SGCZ: variants seen among roughly 807,000 people sequenced by gnomAD.
The protein encoded by SGCZ is zeta-sarcoglycan.
Under a neutral mutation model 41.3 loss-of-function variants are expected in SGCZ, and 40 were observed. That is an observed-to-expected ratio of 0.97 (90% CI 0.75 to 1.26). The LOEUF is 1.26. Ranked by LOEUF, SGCZ falls within the 50% of genes most tolerant of loss-of-function variation. SGCZ has a pLI of 0.00. For synonymous variants in SGCZ, 206 were observed against 137.5 expected, an observed-to-expected ratio of 1.50 and a Z score of -3.49; for missense variants, 552 against 369.8, an observed-to-expected ratio of 1.49 and a Z score of -4.04.
At chr8:14,676,064 A>G (rs892261208) in intron 1 of SGCZ, among the ~76,000 whole-genome samples, 1 of 152,218 alleles carries the variant, frequency 6.6e-6, no homozygotes, top group African/African-American at 2.4e-5. Flanking sequence ...TAGCAGAGGA[A>G]TGAAGTGGGA....
intron 1 of SGCZ, among the ~76,000 whole-genome samples, chr8:14,835,307 A>T (rs1384452945): frequency 3.9e-5 from 6 of 152,330 alleles, no homozygotes; most frequent in African/African-American, 1.4e-4. Flanking sequence ...ATTCCAAATA[A>T]ATACTAATAT....
chr8:14,665,348 T>C (rs80280616), intron 1 of SGCZ, among the ~76,000 whole-genome samples: 3 of 152,164 alleles, frequency 2.0e-5, no homozygotes, highest in Non-Finnish European at 4.4e-5. Flanking sequence ...GAACTCATCA[T>C]TTTTTATGGC....
At chr8:14,254,178 G>C (rs1411798223) in intron 3 of SGCZ, among the ~76,000 whole-genome samples, 1 of 152,064 alleles carries the variant, frequency 6.6e-6, no homozygotes, top group Non-Finnish European at 1.5e-5. Flanking sequence ...CTTGTTCCTA[G>C]AGGTGAACCC....
At chr8:14,594,301 C>T (rs1000259131) in intron 1 of SGCZ, among the ~76,000 whole-genome samples, 12 of 152,050 alleles carry the variant, frequency 7.9e-5, no homozygotes, top group African/African-American at 2.9e-4. Context: ...GCATCTTTAT[C>T]AAGTTTGGGG....
intron 1 of SGCZ, among the ~76,000 whole-genome samples, chr8:15,057,820 C>T (rs1048746792): frequency 2.0e-5 from 3 of 152,086 alleles, no homozygotes; most frequent in South Asian, 2.1e-4. Flanking sequence ...AGCCCTAAAA[C>T]GTTATGAATT....
At chr8:14,836,976 AC>A (rs1802721984) in intron 1 of SGCZ, among the ~76,000 whole-genome samples, 1 of 152,058 alleles carries the variant, frequency 6.6e-6, no homozygotes, top group South Asian at 2.1e-4. Flanking sequence ...GACTATATAA[AC>A]CTTTTCATAT....
At chr8:14,519,283 T>A (rs1008433193) in intron 2 of SGCZ, among the ~76,000 whole-genome samples, 4 of 152,084 alleles carry the variant, frequency 2.6e-5, no homozygotes, top group African/African-American at 9.7e-5. Context: ...AGTATCAAAA[T>A]GGATCTCCTT....
intron 1 of SGCZ, among the ~76,000 whole-genome samples, chr8:15,226,198 C>T (rs994010584): frequency 2.0e-5 from 3 of 152,204 alleles, no homozygotes; most frequent in Non-Finnish European, 4.4e-5. Flanking sequence ...TACCTCCCTA[C>T]TTACTTAGCT....
At chr8:14,763,536 T>C (rs572223141) in intron 1 of SGCZ, among the ~76,000 whole-genome samples, 33 of 152,302 alleles carry the variant, frequency 2.2e-4, no homozygotes, top group African/African-American at 6.7e-4. Context: ...GGAGACACTT[T>C]ATTATCGAAA....
intron 1 of SGCZ, among the ~76,000 whole-genome samples, chr8:14,711,598 TAAA>T (rs200467876): frequency 0.022 from 1,794 of 80,274 alleles, 16 homozygotes; most frequent in South Asian, 0.078. Flanking sequence ...TGAGACTCTG[TAAA>T]AAAAAAAAAA....
intron 1 of SGCZ, among the ~76,000 whole-genome samples, chr8:14,840,796 C>G: frequency 6.6e-6 from 1 of 151,862 alleles, no homozygotes; most frequent in East Asian, 1.9e-4. Flanking sequence ...CTCTTTTTAA[C>G]TTTATGAGAC....
At chr8:14,330,956 G>A (rs1802297735) in intron 2 of SGCZ, among the ~76,000 whole-genome samples, 1 of 151,788 alleles carries the variant, frequency 6.6e-6, no homozygotes, top group African/African-American at 2.4e-5. Flanking sequence ...CATCTTTTCT[G>A]GATAAAACCA....
At chr8:14,788,609 A>G (rs1800848979) in intron 1 of SGCZ, among the ~76,000 whole-genome samples, 1 of 152,216 alleles carries the variant, frequency 6.6e-6, no homozygotes, top group Non-Finnish European at 1.5e-5. Flanking sequence ...TAGAAAAGTT[A>G]AAGAGGCAAT....
chr8:14,501,954 T>C (rs939530778), intron 2 of SGCZ, among the ~76,000 whole-genome samples: 6 of 151,992 alleles, frequency 3.9e-5, no homozygotes, highest in Admixed American at 2.6e-4. Context: ...GAAAAGAAAA[T>C]GAAGCGAAAA....
chr8:14,243,542 G>A (rs918446780), intron 3 of SGCZ, among the ~76,000 whole-genome samples: 65 of 152,266 alleles, frequency 4.3e-4, no homozygotes, highest in African/African-American at 1.5e-3. Context: ...AGAAATTTAT[G>A]TTCATAACAT....
intron 1 of SGCZ, among the ~76,000 whole-genome samples, chr8:14,881,827 G>C (rs1169198773): frequency 6.6e-6 from 1 of 152,130 alleles, no homozygotes; most frequent in East Asian, 1.9e-4. Context: ...CACGCAATTG[G>C]AAGTAAAACA....
At chr8:14,828,467 A>G (rs1802415107) in intron 1 of SGCZ, among the ~76,000 whole-genome samples, 1 of 152,236 alleles carries the variant, frequency 6.6e-6, no homozygotes, top group South Asian at 2.1e-4. Context: ...CTTTGTACCT[A>G]AATGAGCTGC....
intron 1 of SGCZ, among the ~76,000 whole-genome samples, chr8:14,766,320 T>A (rs1800033113): frequency 2.0e-5 from 3 of 152,088 alleles, no homozygotes; most frequent in Non-Finnish European, 2.9e-5. Flanking sequence ...ATATATATTA[T>A]AAGGTTGACT....
intron 1 of SGCZ, among the ~76,000 whole-genome samples, chr8:14,683,346 A>G (rs1808507430): frequency 6.6e-6 from 1 of 152,182 alleles, no homozygotes; most frequent in African/African-American, 2.4e-5. Context: ...ACTTGTATAA[A>G]TTTAGAAATT....
Sources: gnomAD v4.1 joint callset for allele counts (sites outside exome capture counted in the v4.1 genomes callset) on GRCh38, gnomAD v4.1.1 for gene constraint, MANE v1.5 for transcripts, NCBI Gene and HGNC (gene_info 2026-07-23, HGNC 2026-07-21) for gene names.